The following SNRPN variants were observed in gnomAD, a reference collection of about 807,000 sequenced individuals.
SNRPN encodes small nuclear ribonucleoprotein-associated protein N.
SNRPN carries 7 observed loss-of-function variants against 25.2 expected under a neutral mutation model. The observed-to-expected ratio is 0.28, with a 90% CI of 0.16 to 0.52. The LOEUF (loss-of-function observed/expected upper bound fraction) is 0.52. Among genes scored for constraint, SNRPN ranks in the 20% least tolerant of loss-of-function variants. The pLI is 0.96. For missense variants in SNRPN, 196 were observed against 322.5 expected (o/e 0.61, Z 3.00); for synonymous variants, 124 against 110.6 (o/e 1.12, Z -0.76).
intron 2 of SNRPN, among the ~76,000 whole-genome samples, chr15:24,889,504 A>C (rs1056973212): frequency 2.7e-5 from 4 of 150,464 alleles, no homozygotes; most frequent in Non-Finnish European, 5.9e-5. Flanking sequence ...ACAGGGTTTC[A>C]CCGTGTTAGC....
chr15:24,963,955 C>A (rs929147937), intron 2 of SNRPN, among the ~76,000 whole-genome samples: 2 of 152,068 alleles, frequency 1.3e-5, no homozygotes, highest in Admixed American at 1.3e-4. Context: ...TCACTTGATC[C>A]CAGGAGGTTG....
At chr15:24,901,537 T>C (rs995099547) in intron 2 of SNRPN, among the ~76,000 whole-genome samples, 4 of 152,188 alleles carry the variant, frequency 2.6e-5, no homozygotes, top group Non-Finnish European at 4.4e-5. Context: ...CAAAAAAGAA[T>C]GTCATCGTGT....
At chr15:24,849,700 C>T (rs996882821) in intron 2 of SNRPN, 4 of 152,182 alleles carry the variant, frequency 2.6e-5, no homozygotes, top group African/African-American at 9.6e-5. Flanking sequence ...TAGTTGGGGC[C>T]TCTCAGAACA....
upstream of SNRPN, chr15:24,954,840 C>G (rs1314460144): frequency 2.1e-5 from 14 of 666,422 alleles, no homozygotes; most frequent in Non-Finnish European, 3.1e-5. Context: ...CAGTAGCCCC[C>G]TCCCCCCAGG....
At chr15:24,903,223 T>C (rs2058581686) in intron 2 of SNRPN, among the ~76,000 whole-genome samples, 1 of 152,228 alleles carries the variant, frequency 6.6e-6, no homozygotes, top group Non-Finnish European at 1.5e-5. Context: ...GGATACTTAA[T>C]GGCACATTAA....
rs1203074908 is a variant in SNRPN, at chr15:24,927,475, AATTTTTTTTTTTTTTTTTTT to A, written c.-391+7352_-391+7371del. Among the ~76,000 whole-genome samples, 24 of 113,332 alleles carry A rather than the reference AATTTTTTTTTTTTTTTTTTT, an allele frequency of 2.1e-4. 1 individual carries two copies. Among genetic ancestry groups the A allele is most frequent in the East Asian group, 1.8e-3 (6 of 3,298 alleles). The allele number at this position is 113,332 out of a possible 152,430, so 74.4% of individuals were successfully genotyped here. ...TTTCCCACTGCTTATAAAGTTTTTA[AATTTTTTTTTTTTTTTTTTT>A]TTTTTTTTTTTTTTTTTTTTTTTAC... On this transcript the variant is annotated intron_variant, in intron 3 of 11. Coordinates refer to the SNRPN transcript ENST00000400097.
intron 2 of SNRPN, among the ~76,000 whole-genome samples, chr15:24,841,937 A>G (rs1189722822): frequency 1.3e-5 from 2 of 152,162 alleles, no homozygotes; most frequent in African/African-American, 4.8e-5. Context: ...GGGACCTTGA[A>G]CTATGATCTG....
chr15:24,975,273 A>G (rs1450248556), intron 4 of SNRPN, 85 bp from the exon 5 acceptor site: 2 of 1,051,590 alleles, frequency 1.9e-6, no homozygotes, highest in Non-Finnish European at 2.8e-6. Flanking sequence ...GGCTTAGATT[A>G]TGTAAGGGTG....
chr15:24,938,779 G>A (rs895749790), intron 3 of SNRPN, among the ~76,000 whole-genome samples: 12 of 152,240 alleles, frequency 7.9e-5, no homozygotes, highest in African/African-American at 2.9e-4. Flanking sequence ...AATTCTGGTT[G>A]GCTTTGGGCT....
chr15:24,875,947 G>A (rs899996036), intron 1 of SNRPN, among the ~76,000 whole-genome samples: 1 of 151,906 alleles, frequency 6.6e-6, no homozygotes, highest in Middle Eastern at 3.4e-3. Context: ...CTAGCTACTC[G>A]GGAGGCTGAG....
intron 2 of SNRPN, among the ~76,000 whole-genome samples, chr15:24,918,594 ATG>A (rs61375412): frequency 1.6e-5 from 1 of 64,186 alleles, no homozygotes; most frequent in African/African-American, 6.5e-5. Context: ...CATAATATAT[ATG>A]TATATATATA....
intron 2 of SNRPN, chr15:24,909,735 A>C: frequency 8.0e-7 from 1 of 1,246,364 alleles, no homozygotes; most frequent in Non-Finnish European, 1.2e-6. Context: ...CGAGTATCGT[A>C]ATCAGTTTTA....
chr15:24,977,420 C>T (rs1427646633), intron 7 of SNRPN, among the ~76,000 whole-genome samples: 1 of 152,160 alleles, frequency 6.6e-6, no homozygotes, highest in Non-Finnish European at 1.5e-5. Context: ...GGGCAGATCA[C>T]TTGAGGTCAG....
At chr15:24,911,196 A>G (rs1401895983) in intron 2 of SNRPN, 3 of 477,602 alleles carry the variant, frequency 6.3e-6, no homozygotes, top group Non-Finnish European at 7.0e-6. Context: ...GTTGAACATA[A>G]AGATTTGGAA....
chr15:24,976,746 T>C (rs1793628378), intron 6 of SNRPN, 131 bp from the exon 7 acceptor site: 5 of 807,006 alleles, frequency 6.2e-6, no homozygotes, highest in Non-Finnish European at 1.0e-5. Context: ...TGCTTGTTTG[T>C]TCATTTGGAC....
At chr15:24,944,408 A>G (rs920366200) in intron 3 of SNRPN, among the ~76,000 whole-genome samples, 3 of 152,182 alleles carry the variant, frequency 2.0e-5, no homozygotes, top group Non-Finnish European at 2.9e-5. Context: ...TTTTATACTT[A>G]TTTAATTTAA....
At chr15:24,842,579 G>A (rs1331511045) in intron 2 of SNRPN, among the ~76,000 whole-genome samples, 1 of 152,114 alleles carries the variant, frequency 6.6e-6, no homozygotes, top group Non-Finnish European at 1.5e-5. Flanking sequence ...GGCAGACATG[G>A]CGCATTGAGC....
chr15:24,896,708 C>G (rs28411874), intron 2 of SNRPN, among the ~76,000 whole-genome samples: 1 of 149,764 alleles, frequency 6.7e-6, no homozygotes, highest in African/African-American at 2.5e-5. Flanking sequence ...AGCGAGACTC[C>G]GTCTAAAAAA....
At chr15:24,913,592 G>A (rs149087652) in intron 2 of SNRPN, among the ~76,000 whole-genome samples, 68 of 152,190 alleles carry the variant, frequency 4.5e-4, no homozygotes, top group African/African-American at 1.5e-3. Context: ...GCTACAGTGA[G>A]CCAAGATCAC....
Sources: gnomAD v4.1 joint callset for allele counts (sites outside exome capture counted in the v4.1 genomes callset) on GRCh38, gnomAD v4.1.1 for gene constraint, MANE v1.5 for transcripts, NCBI Gene and HGNC (gene_info 2026-07-23, HGNC 2026-07-21) for gene names.